ULK4: variants seen among roughly 807,000 people sequenced by gnomAD.
The protein encoded by ULK4 is inactive serine/threonine-protein kinase ULK4.
ULK4 carries 133 observed loss-of-function variants against 160.6 expected under a neutral mutation model. That is an observed-to-expected ratio of 0.83 (90% CI 0.72 to 0.96). ULK4 has a LOEUF of 0.96. Among genes scored for constraint, ULK4 ranks in the 40% least tolerant of loss-of-function variants. ULK4 has a pLI of 0.00. For missense variants in ULK4, 1,580 were observed against 1,499.5 expected, an observed-to-expected ratio of 1.05 and a Z score of -0.89; for synonymous variants, 534 against 539.8, an observed-to-expected ratio of 0.99 and a Z score of 0.15.
At chr3:41,322,478 T>C (rs1431513435) in intron 35 of ULK4, among the ~76,000 whole-genome samples, 5 of 152,300 alleles carry the variant, frequency 3.3e-5, no homozygotes, top group African/African-American at 1.2e-4. Context: ...TGCTAACAAT[T>C]TGACCCACAT....
intron 35 of ULK4, among the ~76,000 whole-genome samples, chr3:41,391,283 A>G (rs2125807367): frequency 6.6e-6 from 1 of 152,214 alleles, no homozygotes; most frequent in Non-Finnish European, 1.5e-5. Context: ...GCATCCTCTC[A>G]TGGTTTTAGG....
chr3:41,542,031 T>C (rs1449371561), intron 32 of ULK4, among the ~76,000 whole-genome samples: 2 of 152,332 alleles, frequency 1.3e-5, no homozygotes, highest in East Asian at 3.9e-4. Flanking sequence ...CTGATTGTCC[T>C]GGCCAGAACT....
At chr3:41,946,175 A>G (rs577041517) in intron 2 of ULK4, among the ~76,000 whole-genome samples, 22 of 152,362 alleles carry the variant, frequency 1.4e-4, no homozygotes, top group African/African-American at 3.6e-4. Context: ...TTTTACTTCA[A>G]TAAAAAGATT....
intron 5 of ULK4, among the ~76,000 whole-genome samples, chr3:41,921,181 G>A (rs1332101535): frequency 6.6e-6 from 1 of 151,986 alleles, no homozygotes; most frequent in Non-Finnish European, 1.5e-5. Context: ...GCATGGTGGA[G>A]GGCACCTGTA....
chr3:41,856,566 T>TATATATATATGTGTATATATATACAC (rs2042357900), intron 17 of ULK4, among the ~76,000 whole-genome samples: 4 of 111,898 alleles, frequency 3.6e-5, no homozygotes, highest in Non-Finnish European at 6.8e-5. Flanking sequence ...TATATACACA[T>TATATATATATGTGTATATATATACAC]ATATATATGT....
At chr3:41,543,158 T>C (rs1326058752) in intron 32 of ULK4, among the ~76,000 whole-genome samples, 2 of 152,054 alleles carry the variant, frequency 1.3e-5, no homozygotes, top group Non-Finnish European at 2.9e-5. Flanking sequence ...GCTAGGTGCC[T>C]TCTGTTTTTC....
intron 25 of ULK4, among the ~76,000 whole-genome samples, chr3:41,711,506 T>C (rs1485817214): frequency 1.3e-5 from 2 of 152,172 alleles, no homozygotes; most frequent in African/African-American, 4.8e-5. Context: ...TAAGTAAATA[T>C]ATACTATCAT....
intron 18 of ULK4, among the ~76,000 whole-genome samples, chr3:41,827,449 A>C (rs2041402908): frequency 1.3e-5 from 2 of 152,186 alleles, no homozygotes; most frequent in African/African-American, 4.8e-5. Flanking sequence ...AGACGCAATA[A>C]AAAATGACAA....
At chr3:41,853,509 C>A (rs146954469) in intron 17 of ULK4, among the ~76,000 whole-genome samples, 2 of 152,272 alleles carry the variant, frequency 1.3e-5, no homozygotes, top group African/African-American at 4.8e-5. Context: ...CCATGCTAGG[C>A]AAGGGTTAGA....
At chr3:41,291,443 A>AGAGG in intron 35 of ULK4, among the ~76,000 whole-genome samples, 1 of 132,030 alleles carries the variant, frequency 7.6e-6, no homozygotes, top group African/African-American at 2.8e-5. Flanking sequence ...AGAGAGAAGG[A>AGAGG]GGAGAGGGGA....
At chr3:41,634,787 T>A (rs2033884548) in intron 30 of ULK4, among the ~76,000 whole-genome samples, 1 of 152,188 alleles carries the variant, frequency 6.6e-6, no homozygotes, top group South Asian at 2.1e-4. Context: ...CAAGGCAACA[T>A]AAAATCACAA....
chr3:41,586,934 A>G (rs1434073711), intron 31 of ULK4, among the ~76,000 whole-genome samples: 2 of 152,158 alleles, frequency 1.3e-5, no homozygotes, highest in African/African-American at 2.4e-5. Flanking sequence ...CTTAGGGGCA[A>G]AAAACACACC....
intron 35 of ULK4, among the ~76,000 whole-genome samples, chr3:41,311,140 G>A (rs1465087899): frequency 9.2e-5 from 14 of 152,168 alleles, no homozygotes; most frequent in Non-Finnish European, 1.5e-5. Flanking sequence ...CGTTATTCTA[G>A]ATGTTCAACA....
intron 35 of ULK4, among the ~76,000 whole-genome samples, chr3:41,395,053 A>G (rs184035339): frequency 1.1e-4 from 17 of 152,200 alleles, no homozygotes; most frequent in African/African-American, 4.1e-4. Context: ...TGTGATCCCA[A>G]TGCAGAACAT....
At chr3:41,292,195 A>G (rs1431152927) in intron 35 of ULK4, among the ~76,000 whole-genome samples, 1 of 152,236 alleles carries the variant, frequency 6.6e-6, no homozygotes, top group Admixed American at 6.5e-5. Flanking sequence ...TAATAATAAC[A>G]ATGGCAACAA....
At chr3:41,501,345 C>G (rs950600209) in intron 32 of ULK4, among the ~76,000 whole-genome samples, 5 of 151,932 alleles carry the variant, frequency 3.3e-5, no homozygotes, top group Admixed American at 2.6e-4. Context: ...AAAATACAAA[C>G]AAATTAGCCA....
At chr3:41,847,721 T>TC (rs140331966) in intron 17 of ULK4, among the ~76,000 whole-genome samples, 20,096 of 152,104 alleles carry the variant, frequency 0.13, 4,334 homozygotes, top group African/African-American at 0.45. Context: ...AACCTCATAA[T>TC]CCCCACTCCT....
chr3:41,793,923 T>C (rs79133268), intron 20 of ULK4, among the ~76,000 whole-genome samples: 6,502 of 152,266 alleles, frequency 0.043, 431 homozygotes, highest in African/African-American at 0.15. Flanking sequence ...GCCACACTGG[T>C]GTATTTTAAG....
At position 41,322,295 on chromosome 3, in the gene ULK4, C is replaced by G. The variant is rs58371404; in HGVS notation, c.3679-72721G>C. On this transcript the variant is annotated intron_variant, in intron 35 of 36. Coordinates refer to ENST00000301831, the MANE Select transcript of ULK4 (RefSeq NM_017886.4). ...AATCCACCTGCCTCAGCCTCCCAAA[C>G]TGCTGGGATTACAGGCATGTGCCAC... 1.8e-4 allele frequency among the ~76,000 whole-genome samples: 20 copies of G among 109,422 alleles called. 1 individual carries two copies. The highest frequency in any genetic ancestry group is 3.8e-4 in the African/African-American group (9 of 23,384). 71.8% of individuals were successfully genotyped at this position (109,422 alleles called of 152,430 possible).
Sources: allele counts gnomAD v4.1 joint callset (sites outside exome capture counted in the v4.1 genomes callset), GRCh38; gene constraint gnomAD v4.1.1; transcripts MANE v1.5; gene names NCBI Gene and HGNC (gene_info 2026-07-23, HGNC 2026-07-21).